Variants in EXT1 observed in about 807,000 individuals in gnomAD.
EXT1 encodes exostosin-1.
In EXT1, 20 loss-of-function variants were observed where a neutral mutation model predicts 82.5. The ratio of observed to expected loss-of-function variants is 0.24; its 90% CI spans 0.17 to 0.35. The LOEUF (loss-of-function observed/expected upper bound fraction) is 0.35. EXT1 is among the 10% of genes least tolerant of loss of function. The pLI, the probability that EXT1 is intolerant of heterozygous loss-of-function variation, is 1.00. For missense variants in EXT1, 757 were observed against 936.5 expected, an observed-to-expected ratio of 0.81 and a Z score of 2.50; for synonymous variants, 348 against 350.8, an observed-to-expected ratio of 0.99 and a Z score of 0.09.
chr8:117,835,368 A>G, intron 3 of EXT1, 76 bp downstream of exon 3: 1 of 1,090,462 alleles, frequency 9.2e-7, no homozygotes. Context: ...GACCTTTTGG[A>G]TTCATCTTCT....
rs35823668 is a variant in EXT1 at position 117,829,569 on chromosome 8, CTTTTTTT to C, written c.1284+654_1284+660del. Reference sequence around the variant, plus strand: ...TTACTTGGCCATTATATATATTTTTCTTTTTTTTTTTTTTTTTTTTTGAGGTGGAGTT... The same window carrying C: ...TTACTTGGCCATTATATATATTTTTCTTTTTTTTTTTTTTGAGGTGGAGTT... On this transcript the variant is annotated intron_variant, in intron 4 of 10. Transcript: ENST00000378204. Among the ~76,000 whole-genome samples the C allele has an allele frequency of 3.3e-4, 32 of 96,876 alleles. 1 individual carries two copies. The Admixed American group carries it at 4.1e-3, about 12-fold the overall frequency. The allele number at this position is 96,876 out of a possible 152,430, so 63.6% of individuals were successfully genotyped here.
chr8:118,045,768 G>A (rs1054781454), intron 1 of EXT1, among the ~76,000 whole-genome samples: 3 of 151,394 alleles, frequency 2.0e-5, no homozygotes, highest in African/African-American at 7.3e-5. Context: ...AAGGGTCCCG[G>A]GCTCTCTGGA....
Position 117,819,746 on chromosome 8 carries a change from G to A in EXT1, c.1466C>T (p.Pro489Leu), listed in dbSNP as rs1811891339. 1.2e-6 allele frequency: 2 copies of A among 1,613,452 alleles called. No individual in the cohort carries two copies. Among genetic ancestry groups the A allele is most frequent in the Non-Finnish European group, 1.7e-6 (2 of 1,180,034 alleles). Reference sequence around the variant, plus strand: ...CACTGGCTGGGACTGAGAGACCAGGGGGGTCACCGCATGGATGACTGCAGT... The same window carrying A: ...CACTGGCTGGGACTGAGAGACCAGGAGGGTCACCGCATGGATGACTGCAGT... ...KFTAVIHAVT[P>L]LVSQSQPVLK... Residue 489 changes from proline (P) to leucine (L), a missense_variant, in exon 6 of 11, where the codon CCC (proline) becomes CTC (leucine). By Grantham distance (98) the Pro-to-Leu change is moderately conservative. Transcript: ENST00000378204.
At chr8:117,906,030 C>T (rs1813537889) in intron 1 of EXT1, among the ~76,000 whole-genome samples, 1 of 152,208 alleles carries the variant, frequency 6.6e-6, no homozygotes. Flanking sequence ...ACACTTCCTG[C>T]TATTTGCTTT....
chr8:117,998,116 C>T (rs138729104), intron 1 of EXT1, among the ~76,000 whole-genome samples: 4,519 of 151,042 alleles, frequency 0.03, 213 homozygotes, highest in African/African-American at 0.1. Flanking sequence ...TGAGTTCAAG[C>T]AATTCTCCTG....
intron 3 of EXT1, among the ~76,000 whole-genome samples, chr8:117,830,681 A>T (rs959266765): frequency 2.0e-5 from 3 of 152,220 alleles, no homozygotes; most frequent in African/African-American, 7.2e-5. Flanking sequence ...GAACAACCAA[A>T]TTTTATAGAG....
chr8:117,902,013 A>AT (rs56712360), intron 1 of EXT1, among the ~76,000 whole-genome samples: 1,430 of 141,138 alleles, frequency 0.01, 14 homozygotes, highest in African/African-American at 0.02. Context: ...ACTTTTTTCT[A>AT]TTTTTTTTTT....
At chr8:117,879,441 G>T (rs1265601561) in intron 1 of EXT1, among the ~76,000 whole-genome samples, 1 of 141,668 alleles carries the variant, frequency 7.1e-6, no homozygotes, top group African/African-American at 2.6e-5. Context: ...CTTTCCACAT[G>T]AAAAAAAAAA....
chr8:118,105,188 T>A (rs1817786555), intron 1 of EXT1, among the ~76,000 whole-genome samples: 2 of 152,124 alleles, frequency 1.3e-5, no homozygotes, highest in African/African-American at 4.8e-5. Flanking sequence ...TAAAGGTCAT[T>A]ATTGGCAGGA....
At chr8:117,843,475 G>T (rs1328647973) in intron 1 of EXT1, among the ~76,000 whole-genome samples, 1 of 152,160 alleles carries the variant, frequency 6.6e-6, no homozygotes, top group African/African-American at 2.4e-5. Flanking sequence ...AGGCACAGGG[G>T]TAAGAGGAGG....
chr8:117,954,585 T>A (rs779341885), intron 1 of EXT1, among the ~76,000 whole-genome samples: 7 of 152,234 alleles, frequency 4.6e-5, no homozygotes, highest in Non-Finnish European at 1.5e-5. Context: ...ACAACTGAGG[T>A]TCAAACCAGC....
chr8:118,014,816 C>A (rs925419892), intron 1 of EXT1, among the ~76,000 whole-genome samples: 2 of 152,070 alleles, frequency 1.3e-5, no homozygotes, highest in African/African-American at 4.8e-5. Context: ...AAAACCTCAA[C>A]CCCAGGCCCA....
intron 1 of EXT1, among the ~76,000 whole-genome samples, chr8:117,879,260 G>A (rs750843378): frequency 2.6e-5 from 4 of 152,144 alleles, no homozygotes; most frequent in Non-Finnish European, 2.9e-5. Context: ...ATTAAATTGT[G>A]AGTGAATCTT....
At chr8:117,950,874 C>A (rs1023645728) in intron 1 of EXT1, among the ~76,000 whole-genome samples, 8 of 152,240 alleles carry the variant, frequency 5.3e-5, no homozygotes, top group East Asian at 3.9e-4. Flanking sequence ...GTGGACTGTA[C>A]TGGCTTTCTA....
chr8:118,078,465 T>C (rs756204211), intron 1 of EXT1, among the ~76,000 whole-genome samples: 2 of 152,054 alleles, frequency 1.3e-5, no homozygotes, highest in Non-Finnish European at 2.9e-5. Flanking sequence ...CCCAGAGTGT[T>C]GAGATTACAG....
At chr8:118,051,441 T>C (rs2129924506) in intron 1 of EXT1, among the ~76,000 whole-genome samples, 1 of 152,328 alleles carries the variant, frequency 6.6e-6, no homozygotes, top group South Asian at 2.1e-4. Context: ...ATCCTATAAA[T>C]TCAGTTTGCA....
intron 1 of EXT1, among the ~76,000 whole-genome samples, chr8:117,916,046 C>CT (rs58732643): frequency 6.6e-6 from 1 of 152,070 alleles, no homozygotes; most frequent in East Asian, 1.9e-4. Flanking sequence ...ATAGAAACTG[C>CT]TTTTTTTGGC....
chr8:117,878,270 C>A (rs1050060437), intron 1 of EXT1, among the ~76,000 whole-genome samples: 1 of 152,108 alleles, frequency 6.6e-6, no homozygotes, highest in Non-Finnish European at 1.5e-5. Flanking sequence ...TGTGAGACTC[C>A]GTCTCTAAAT....
chr8:117,938,604 A>G (rs1482481087), intron 1 of EXT1, among the ~76,000 whole-genome samples: 1 of 152,248 alleles, frequency 6.6e-6, no homozygotes, highest in African/African-American at 2.4e-5. Context: ...TATTTCTGGC[A>G]TCACAGAAAG....
Sources: gnomAD v4.1 joint callset for allele counts (sites outside exome capture counted in the v4.1 genomes callset) on GRCh38, gnomAD v4.1.1 for gene constraint, MANE v1.5 for transcripts, NCBI Gene and HGNC (gene_info 2026-07-23, HGNC 2026-07-21) for gene names.